The following CCDC198 variants were observed in gnomAD, a reference collection of about 807,000 sequenced individuals.
The protein encoded by CCDC198 is coiled-coil domain containing 198.
In CCDC198, 18 loss-of-function variants were observed where a neutral mutation model predicts 35.6. The observed-to-expected ratio is 0.51, with a 90% CI of 0.35 to 0.75. CCDC198 has a LOEUF of 0.75. Among genes scored for constraint, CCDC198 ranks in the 30% least tolerant of loss-of-function variants. The probability of loss-of-function intolerance (pLI) is 0.01; values close to 1 mark genes in which losing one functional copy is unlikely to be tolerated. For synonymous variants in CCDC198, 119 were observed against 113.4 expected, an observed-to-expected ratio of 1.05 and a Z score of -0.31; for missense variants, 365 against 343.7, an observed-to-expected ratio of 1.06 and a Z score of -0.49.
rs1470723487 is a variant in CCDC198 at position 57,493,686 on chromosome 14, A to C, written c.30T>G (p.Leu10=). The change falls in exon 1 of 6, where the codon CTT becomes CTG. Residue 10 remains leucine, a synonymous_variant. Coordinates refer to ENST00000216445, the MANE Select transcript of CCDC198 (RefSeq NM_018168.4). ...GCAAAGGTGCTACTTTGATCACCCT[A>C]AGGTGAGTCTTAGAGTGACTCAGGC... MGLSHSKTH[L]RVIKVAPLQN... is the part of the protein sequence containing the mutation. 1.2e-6 allele frequency: 2 copies of C among 1,613,658 alleles called. No homozygotes were observed. Among genetic ancestry groups the C allele is most frequent in the South Asian group, 2.2e-5 (2 of 91,074 alleles).
chr14:57,477,514 G>A (rs1314945620), intron 5 of CCDC198, among the ~76,000 whole-genome samples: 4 of 152,094 alleles, frequency 2.6e-5, no homozygotes, highest in South Asian at 2.1e-4. Context: ...ACGTACAGGA[G>A]TTGTTACAAA....
intron 5 of CCDC198, among the ~76,000 whole-genome samples, chr14:57,477,421 G>A (rs934202390): frequency 6.6e-6 from 1 of 152,088 alleles, no homozygotes; most frequent in African/African-American, 2.4e-5. Flanking sequence ...GGAAGAGTTA[G>A]AATTCCCTCT....
intron 5 of CCDC198, chr14:57,475,701 CTGTCTT>C: frequency 2.5e-6 from 1 of 394,032 alleles, no homozygotes; most frequent in East Asian, 8.5e-5. Context: ...GAGCGAAACT[CTGTCTT>C]AAAAAAAAAA....
At chr14:57,483,605 C>T (rs1428533193) in intron 2 of CCDC198, among the ~76,000 whole-genome samples, 1 of 152,202 alleles carries the variant, frequency 6.6e-6, no homozygotes. Flanking sequence ...GTAGTAATCA[C>T]TGGTGATTAT....
rs571647126 is a variant in CCDC198, at chr14:57,471,031, A to G, written c.*324T>C. Reference sequence around the variant, plus strand: ...GCCTCTGGATGACTCCAGTCTTAGTAGTCCAAATGTAGTCCAATTTCAATG... The same window carrying G: ...GCCTCTGGATGACTCCAGTCTTAGTGGTCCAAATGTAGTCCAATTTCAATG... On this transcript the variant is annotated 3_prime_UTR_variant, in exon 6 of 6. Coordinates refer to ENST00000216445, the MANE Select transcript of CCDC198 (RefSeq NM_018168.4). The G allele has an allele frequency of 4.1e-6, 1 of 242,872 alleles. No individual in the cohort carries two copies. The highest frequency in any genetic ancestry group is 1.2e-4 in the East Asian group (1 of 8,682). The allele number at this position is 242,872 out of a possible 1,614,324, so 15.0% of individuals were successfully genotyped here. A position where few individuals can be genotyped will look rare whatever the true frequency, so the allele number is the denominator to read the frequency against.
chr14:57,473,626 T>A (rs1352452621), intron 5 of CCDC198, among the ~76,000 whole-genome samples: 2 of 152,198 alleles, frequency 1.3e-5, no homozygotes, highest in Non-Finnish European at 2.9e-5. Flanking sequence ...CATCTCTCAC[T>A]TGTGCTTTTG....
chr14:57,471,593 A>C lies in CCDC198; in HGVS notation c.656-3T>G, dbSNP rs2066820861. The C allele has an allele frequency of 6.6e-7, 1 of 1,516,756 alleles. No individual in the cohort carries two copies. Among genetic ancestry groups the C allele is most frequent in the Non-Finnish European group, 9.0e-7 (1 of 1,115,618 alleles). The allele number at this position is 1,516,756 out of a possible 1,614,324, so 94.0% of individuals were successfully genotyped here. On this transcript the variant is annotated splice_region_variant and splice_polypyrimidine_tract_variant and intron_variant, in intron 5 of 5. Transcript: ENST00000216445. ...AAATTCTGTATTCTTTGAATTTCCT[A>C]CAAAAAAATTAAGTTTCTTTAATTT...
intron 2 of CCDC198, 99 bp from the exon 3 acceptor site, chr14:57,483,250 G>T: frequency 6.4e-7 from 1 of 1,565,028 alleles, no homozygotes; most frequent in Admixed American, 1.8e-5. Flanking sequence ...TTGCAAAAGC[G>T]GCACTTATTT....
At chr14:57,483,011 C>T in intron 3 of CCDC198, 54 bp downstream of exon 3, 1 of 1,612,400 alleles carries the variant, frequency 6.2e-7, no homozygotes, top group Non-Finnish European at 8.5e-7. Flanking sequence ...GTGCCCCAAT[C>T]CTGTGTCGCC....
At chr14:57,483,264 A>C in intron 2 of CCDC198, 113 bp from the exon 3 acceptor site, 1 of 1,489,258 alleles carries the variant, frequency 6.7e-7, no homozygotes, top group Non-Finnish European at 9.2e-7. Context: ...CTTATTTCTG[A>C]GAGCATACAG....
chr14:57,471,715 TTA>T (rs1228565809), intron 5 of CCDC198, 125 bp from the exon 6 acceptor site: 3 of 138,392 alleles, frequency 2.2e-5, no homozygotes, highest in African/African-American at 3.7e-5. Context: ...GTTTGAAAAA[TTA>T]TATATATATA....
At chr14:57,483,302 T>A in intron 2 of CCDC198, 151 bp from the exon 3 acceptor site, 1 of 1,171,312 alleles carries the variant, frequency 8.5e-7, no homozygotes. Context: ...GCATTACAGT[T>A]ATATTGGTAC....
chr14:57,484,757 A>G (rs935021412), intron 2 of CCDC198, among the ~76,000 whole-genome samples: 1 of 152,200 alleles, frequency 6.6e-6, no homozygotes, highest in Non-Finnish European at 1.5e-5. Context: ...CAGGCCATTA[A>G]GATAGTGGTC....
chr14:57,475,707 TAA>T (rs35649947), intron 5 of CCDC198: 6,229 of 350,918 alleles, frequency 0.018, no homozygotes, highest in South Asian at 0.028. Context: ...AACTCTGTCT[TAA>T]AAAAAAAAAA....
At chr14:57,483,007 C>G in intron 3 of CCDC198, 58 bp downstream of exon 3, 1 of 1,611,900 alleles carries the variant, frequency 6.2e-7, no homozygotes. Context: ...TCCAGTGCCC[C>G]AATCCTGTGT....
At chr14:57,488,977 G>A (rs1251150327) in intron 2 of CCDC198, among the ~76,000 whole-genome samples, 1 of 152,154 alleles carries the variant, frequency 6.6e-6, no homozygotes, top group African/African-American at 2.4e-5. Flanking sequence ...ATTCCTCAAA[G>A]ACCTAGAGGC....
rs2067246925 is a variant in CCDC198, at chr14:57,483,231, C to G, written c.307-80G>C. ...ACAGAAAAGCCAGACATTAAATTAT[C>G]TTAACACTTTGCAAAAGCGGCACTT... On this transcript the variant is annotated intron_variant, in intron 2 of 5. Coordinates refer to ENST00000216445, the MANE Select transcript of CCDC198 (RefSeq NM_018168.4). The G allele has an allele frequency of 1.9e-6, 3 of 1,602,664 alleles. No homozygotes were observed. In the East Asian group the frequency reaches 6.7e-5, roughly 36 times the overall value.
intron 5 of CCDC198, among the ~76,000 whole-genome samples, chr14:57,477,442 C>G (rs2067038235): frequency 6.6e-6 from 1 of 152,084 alleles, no homozygotes; most frequent in African/African-American, 2.4e-5. Context: ...CTATTTCATG[C>G]TAGCAAAATC....
intron 5 of CCDC198, chr14:57,480,161 G>T: frequency 2.1e-6 from 1 of 485,136 alleles, no homozygotes; most frequent in Non-Finnish European, 2.7e-6. Flanking sequence ...GTGCCAAAGA[G>T]AGTTGACCTC....
Sources: allele counts gnomAD v4.1 joint callset (sites outside exome capture counted in the v4.1 genomes callset), GRCh38; gene constraint gnomAD v4.1.1; transcripts MANE v1.5; gene names NCBI Gene and HGNC (gene_info 2026-07-23, HGNC 2026-07-21).